Variants in KHDRBS3 observed in about 807,000 individuals in gnomAD.
KHDRBS3 encodes KH domain-containing, RNA-binding, signal transduction-associated protein 3.
Under a neutral mutation model 45.6 loss-of-function variants are expected in KHDRBS3, and 23 were observed. That is an observed-to-expected ratio of 0.50 (90% confidence interval 0.36 to 0.72). The LOEUF is 0.72. Ranked by LOEUF, KHDRBS3 falls within the 30% of genes least tolerant of loss-of-function variation. The probability of loss-of-function intolerance (pLI) is 0.00; values close to 1 mark genes in which losing one functional copy is unlikely to be tolerated. For missense variants in KHDRBS3, 352 were observed against 424.8 expected, an observed-to-expected ratio of 0.83 and a Z score of 1.51; for synonymous variants, 162 against 156.5, an observed-to-expected ratio of 1.04 and a Z score of -0.26.
At chr8:135,625,611 C>T in intron 7 of KHDRBS3, 1 of 919,194 alleles carries the variant, frequency 1.1e-6, no homozygotes, top group Non-Finnish European at 1.8e-6. Context: ...GCCACAGGGT[C>T]AGTCTTTTCC....
chr8:135,604,507 T>C (rs1318044181), intron 6 of KHDRBS3, among the ~76,000 whole-genome samples: 1 of 151,962 alleles, frequency 6.6e-6, no homozygotes, highest in Non-Finnish European at 1.5e-5. Context: ...CTTCCTTCTT[T>C]TGTGTTAAAT....
chr8:135,477,466 T>C (rs796679493), intron 1 of KHDRBS3, among the ~76,000 whole-genome samples: 5 of 152,302 alleles, frequency 3.3e-5, no homozygotes, highest in African/African-American at 1.2e-4. Context: ...TAAACAGTTG[T>C]AAAGAATACT....
In KHDRBS3 at chr8:135,512,435, G is replaced by C. The variant is rs1208286640; in HGVS notation, c.89-8802G>C. Among the ~76,000 whole-genome samples the C allele has an allele frequency of 1.5e-5, 2 of 132,170 alleles. 1 individual carries two copies. Among genetic ancestry groups the C allele is most frequent in the African/African-American group, 5.7e-5 (2 of 34,918 alleles). 86.7% of individuals were successfully genotyped at this position (132,170 alleles called of 152,430 possible). A position where few individuals can be genotyped will look rare whatever the true frequency, so the allele number is the denominator to read the frequency against. ...TTAAGGTGTTTGGAAAAGTCGGGGG[G>C]GGGGTAATAACTCTATTGATCTTAT... On this transcript the variant is annotated intron_variant, in intron 1 of 8. Coordinates refer to ENST00000355849, the MANE Select transcript of KHDRBS3 (RefSeq NM_006558.3).
intron 1 of KHDRBS3, among the ~76,000 whole-genome samples, chr8:135,509,295 C>T (rs1221106595): frequency 1.3e-5 from 2 of 152,122 alleles, no homozygotes; most frequent in African/African-American, 4.8e-5. Context: ...GGGAAACAAG[C>T]AAAACCTTTG....
intron 1 of KHDRBS3, among the ~76,000 whole-genome samples, chr8:135,509,347 T>C (rs1824160947): frequency 2.0e-5 from 3 of 152,176 alleles, no homozygotes. Flanking sequence ...TTCTGCCATT[T>C]ATTAGGTGTG....
At position 135,641,967 on chromosome 8, in the gene KHDRBS3, CT is replaced by C. The variant is rs59413091; in HGVS notation, c.891-3090del. 8.8e-3 allele frequency among the ~76,000 whole-genome samples: 1,334 copies of C among 151,928 alleles called. 12 individuals carry two copies. The highest frequency in any genetic ancestry group is 0.024 in the African/African-American group (988 of 41,296). ...TCTGCTCTCTTTTCAGTTAGTCCCT[CT>C]TCTTCTCACCATAACTGTATATTAT... On this transcript the variant is annotated intron_variant, in intron 7 of 8. Transcript: ENST00000355849.
chr8:135,549,034 G>A (rs1826452538), intron 4 of KHDRBS3, 134 bp downstream of exon 4: 1 of 479,756 alleles, frequency 2.1e-6, no homozygotes, highest in East Asian at 3.4e-5. Flanking sequence ...ACCTCAAGTA[G>A]ACCTTACATT....
chr8:135,461,885 G>C (rs1347114597), intron 1 of KHDRBS3, among the ~76,000 whole-genome samples: 3 of 152,110 alleles, frequency 2.0e-5, no homozygotes, highest in Non-Finnish European at 4.4e-5. Flanking sequence ...TTTTTTGTTT[G>C]TATATCAAAA....
At chr8:135,508,936 C>T (rs1824140541) in intron 1 of KHDRBS3, among the ~76,000 whole-genome samples, 1 of 152,102 alleles carries the variant, frequency 6.6e-6, no homozygotes, top group Non-Finnish European at 1.5e-5. Flanking sequence ...ATATTTATTT[C>T]AGAACTTTCC....
chr8:135,645,307 T>C (rs1043549279), intron 8 of KHDRBS3, among the ~76,000 whole-genome samples, 190 bp downstream of exon 8: 2 of 152,234 alleles, frequency 1.3e-5, no homozygotes, highest in Admixed American at 1.3e-4. Context: ...GACTAAAGAC[T>C]TGCTGAAGAT....
intron 2 of KHDRBS3, among the ~76,000 whole-genome samples, chr8:135,536,713 C>A (rs1421218635): frequency 2.0e-5 from 3 of 151,788 alleles, no homozygotes; most frequent in Non-Finnish European, 4.4e-5. Context: ...GTAATCCCAG[C>A]ACTTTGGGAG....
intron 7 of KHDRBS3, among the ~76,000 whole-genome samples, chr8:135,609,779 T>G (rs1586799842): frequency 1.3e-5 from 2 of 151,966 alleles, no homozygotes; most frequent in Middle Eastern, 3.4e-3. Flanking sequence ...CGTGACTCTA[T>G]TCCGTGTGTT....
chr8:135,531,517 A>T (rs1047298189), intron 2 of KHDRBS3, among the ~76,000 whole-genome samples: 1 of 152,168 alleles, frequency 6.6e-6, no homozygotes, highest in Non-Finnish European at 1.5e-5. Context: ...AAACGATTAT[A>T]TACGAAAAAT....
chr8:135,633,201 A>G (rs947798114), intron 7 of KHDRBS3, among the ~76,000 whole-genome samples: 1 of 152,190 alleles, frequency 6.6e-6, no homozygotes, highest in Non-Finnish European at 1.5e-5. Context: ...TCCATGCATG[A>G]ATGAATGCAT....
At chr8:135,513,208 A>G (rs1824396594) in intron 1 of KHDRBS3, among the ~76,000 whole-genome samples, 1 of 152,164 alleles carries the variant, frequency 6.6e-6, no homozygotes, top group Non-Finnish European at 1.5e-5. Context: ...TCAAAAAAAA[A>G]AAGAAAAAAG....
downstream of KHDRBS3, among the ~76,000 whole-genome samples, chr8:135,652,415 C>G (rs1183829641): frequency 6.6e-6 from 1 of 152,222 alleles, no homozygotes; most frequent in African/African-American, 2.4e-5. Flanking sequence ...TGCTCAGCCT[C>G]CTTGGCTCTG....
chr8:135,466,619 A>C (rs1821711141), intron 1 of KHDRBS3, among the ~76,000 whole-genome samples: 1 of 152,232 alleles, frequency 6.6e-6, no homozygotes, highest in Admixed American at 6.5e-5. Context: ...AGCACACAAC[A>C]GTAACAAAAG....
intron 1 of KHDRBS3, chr8:135,458,807 T>G (rs1053785020): frequency 1.3e-5 from 6 of 453,748 alleles, no homozygotes; most frequent in African/African-American, 1.0e-4. Flanking sequence ...TAGGAAGTAC[T>G]GCGGGTCAGG....
chr8:135,637,115 C>T (rs982440134), intron 7 of KHDRBS3, among the ~76,000 whole-genome samples: 6 of 152,122 alleles, frequency 3.9e-5, no homozygotes, highest in Non-Finnish European at 5.9e-5. Flanking sequence ...TTATTCAATA[C>T]CCTCCTGGGG....
Sources: allele counts gnomAD v4.1 joint callset (sites outside exome capture counted in the v4.1 genomes callset), GRCh38; gene constraint gnomAD v4.1.1; transcripts MANE v1.5; gene names NCBI Gene and HGNC (gene_info 2026-07-23, HGNC 2026-07-21).